The following IVD variants were observed in gnomAD, a reference collection of about 807,000 sequenced individuals.
IVD encodes isovaleryl-CoA dehydrogenase.
In IVD, 31 loss-of-function variants were observed where a neutral mutation model predicts 51.3. The observed-to-expected ratio is 0.60, with a 90% CI of 0.45 to 0.81. The LOEUF (loss-of-function observed/expected upper bound fraction) is 0.81, where lower values mean the gene tolerates loss of function less well. IVD is among the 40% of genes least tolerant of loss of function. The pLI, the probability that IVD is intolerant of heterozygous loss-of-function variation, is 0.00. For synonymous variants in IVD, 205 were observed against 219.4 expected (o/e 0.93, Z 0.58); for missense variants, 475 against 552.0 (o/e 0.86, Z 1.40).
At chr15:40,432,504 G>A (rs1893035699) in intron 7 of IVD, among the ~76,000 whole-genome samples, 1 of 152,236 alleles carries the variant, frequency 6.6e-6, no homozygotes, top group African/African-American at 2.4e-5. Flanking sequence ...CCCAGAGGGT[G>A]TCTGCTGGAA....
rs1222349471 is a variant in IVD at position 40,419,175 on chromosome 15, T to A, written c.*912T>A. On this transcript the variant is annotated 3_prime_UTR_variant, in exon 12 of 12. Transcript: ENST00000487418. ...CAAAAAAACCCTGGCCCTTGTTTCTTCCAGTTTCTAGAGGTATCAGCTCCT... is the reference window on the plus strand; with the variant it reads ...CAAAAAAACCCTGGCCCTTGTTTCTACCAGTTTCTAGAGGTATCAGCTCCT... 1.6e-6 allele frequency: 2 copies of A among 1,289,100 alleles called. No individual in the cohort carries two copies. Among genetic ancestry groups the A allele is most frequent in the Non-Finnish European group, 2.0e-6 (2 of 988,832 alleles). 79.9% of individuals were successfully genotyped at this position (1,289,100 alleles called of 1,614,324 possible).
downstream of IVD, among the ~76,000 whole-genome samples, chr15:40,423,485 A>G (rs573869314): frequency 3.3e-5 from 5 of 152,118 alleles, no homozygotes; most frequent in Admixed American, 6.5e-5. Flanking sequence ...TTTAAGACGG[A>G]ATCTTGCGCT....
At chr15:40,435,645 C>G, downstream of IVD, 2 of 1,056,664 alleles carry the variant, frequency 1.9e-6, no homozygotes, top group South Asian at 5.1e-5. Context: ...AGCTCCTTGG[C>G]AGGGTTTACA....
intron 7 of IVD, among the ~76,000 whole-genome samples, chr15:40,433,542 G>T (rs961774187): frequency 2.3e-4 from 35 of 152,182 alleles, no homozygotes; most frequent in African/African-American, 8.4e-4. Context: ...GAGTTCCTCA[G>T]GGGAGAAGTC....
downstream of IVD, among the ~76,000 whole-genome samples, chr15:40,423,599 C>T (rs563512235): frequency 6.6e-6 from 1 of 152,166 alleles, no homozygotes; most frequent in African/African-American, 2.4e-5. Context: ...GTAGCTGGGA[C>T]TACAGGTGCA....
intron 8 of IVD, 87 bp downstream of exon 8, chr15:40,415,069 C>T (rs1439204185): frequency 1.9e-5 from 29 of 1,502,616 alleles, no homozygotes; most frequent in South Asian, 3.5e-5. Context: ...CTTCCCCTTG[C>T]GGGGCCAAAG....
downstream of IVD, among the ~76,000 whole-genome samples, chr15:40,422,272 C>T (rs1264950544): frequency 2.6e-5 from 4 of 152,122 alleles, no homozygotes; most frequent in Non-Finnish European, 4.4e-5. Flanking sequence ...TCCTCTATTA[C>T]CATCATTTCA....
chr15:40,417,991 C>G, intron 11 of IVD, 139 bp from the exon 12 acceptor site: 3 of 1,197,296 alleles, frequency 2.5e-6, no homozygotes, highest in Non-Finnish European at 2.4e-6. Context: ...TCCCCACACC[C>G]CTCCCTCTTG....
Position 40,420,454 on chromosome 15 carries a change from TG to T in IVD, c.*2195del. On this transcript the variant is annotated 3_prime_UTR_variant, in exon 12 of 12. Coordinates refer to ENST00000487418, the MANE Select transcript of IVD (RefSeq NM_002225.5). Reference sequence around the variant, plus strand: ...AAATATATTGTGAAACAAACCTATCTGGGGAGAAGCAATCTACTTGCCGCTG... The same window carrying T: ...AAATATATTGTGAAACAAACCTATCTGGGAGAAGCAATCTACTTGCCGCTG... The T allele has an allele frequency of 1.0e-6, 1 of 987,668 alleles. No individual in the cohort carries two copies. The highest frequency in any genetic ancestry group is 1.2e-6 in the Non-Finnish European group (1 of 830,120). 61.2% of individuals were successfully genotyped at this position (987,668 alleles called of 1,614,324 possible).
chr15:40,435,556 C>A, exon 9 of IVD: 1 of 1,163,224 alleles, frequency 8.6e-7, no homozygotes. Flanking sequence ...TGCTGCTCCC[C>A]CAACTCGCCT....
rs544110604 is a variant in IVD, at chr15:40,416,347, G to A, written c.1123G>A (p.Gly375Ser). ...AECATQVALD[G>S]IQCFGGNGYI... Reference sequence around the variant, plus strand: ...GTGTGCCACACAGGTAGCCCTGGACGGCATTCAGTGTTTTGGTGAGTGATC... The same window carrying A: ...GTGTGCCACACAGGTAGCCCTGGACAGCATTCAGTGTTTTGGTGAGTGATC... Residue 375 changes from glycine to serine, a missense_variant, in exon 11 of 12, where the codon GGC becomes AGC. Coordinates refer to ENST00000487418, the MANE Select transcript of IVD (RefSeq NM_002225.5). 4.3e-6 allele frequency: 7 copies of A among 1,614,034 alleles called. No individual in the cohort carries two copies. The highest frequency in any genetic ancestry group is 3.3e-5 in the South Asian group (3 of 91,082).
Position 40,410,791 on chromosome 15 carries a change from C to T in IVD, c.450C>T (p.Leu150=). ...ATGAGGCCCAGAAAGAGAAGTATCT[C>T]CCGAAGGTGAGGAAATGGAAATGTA... is the stretch of plus-strand genomic sequence containing the variant. ...NGNEAQKEKY[L]PKLISGEYIG... is the part of the protein sequence containing the mutation. The change falls in exon 4 of 12, where the codon CTC becomes CTT. Residue 150 remains leucine, a synonymous_variant. Coordinates refer to ENST00000487418, the MANE Select transcript of IVD (RefSeq NM_002225.5). 6.2e-7 allele frequency: 1 copy of T among 1,614,108 alleles called. No homozygotes were observed. The highest frequency in any genetic ancestry group is 8.5e-7 in the Non-Finnish European group (1 of 1,180,020).
intron 7 of IVD, chr15:40,414,467 C>T (rs139514899): frequency 3.3e-5 from 8 of 242,066 alleles, no homozygotes; most frequent in East Asian, 1.7e-4. Context: ...GAAGCTTTCA[C>T]GGACTACTCT....
downstream of IVD, chr15:40,424,397 A>G (rs899076609): frequency 3.4e-6 from 1 of 294,570 alleles, no homozygotes; most frequent in South Asian, 2.6e-5. Context: ...CAGCCCTTCA[A>G]ACTTTCTCTT....
chr15:40,424,115 A>C (rs774637012), downstream of IVD: 1 of 1,269,154 alleles, frequency 7.9e-7, no homozygotes, highest in South Asian at 1.3e-5. Context: ...CATCCTGCCA[A>C]CTTGCCTTCC....
At position 40,420,576 on chromosome 15, in the gene IVD, A is replaced by G; in HGVS notation, c.*2313A>G. 7 of 987,580 alleles carry G rather than the reference A, an allele frequency of 7.1e-6. No homozygotes were observed. Among genetic ancestry groups the G allele is most frequent in the Non-Finnish European group, 8.4e-6 (7 of 830,096 alleles). 61.2% of individuals were successfully genotyped at this position (987,580 alleles called of 1,614,324 possible). On this transcript the variant is annotated 3_prime_UTR_variant, in exon 12 of 12. Coordinates refer to ENST00000487418, the MANE Select transcript of IVD (RefSeq NM_002225.5). Reference sequence around the variant, plus strand: ...GTTCTTTCATGAGGGACAGGAAGGTAAAATCAGCCCTTAGGAGAGAGGTCT... The same window carrying G: ...GTTCTTTCATGAGGGACAGGAAGGTGAAATCAGCCCTTAGGAGAGAGGTCT...
chr15:40,414,510 C>T, intron 7 of IVD: 1 of 305,678 alleles, frequency 3.3e-6, no homozygotes, highest in East Asian at 7.6e-5. Context: ...GAGCTGACTC[C>T]ACCTGGGGGA....
At chr15:40,407,859 TG>T in intron 2 of IVD, 79 bp from the exon 3 acceptor site, 1 of 1,499,422 alleles carries the variant, frequency 6.7e-7, no homozygotes, top group South Asian at 1.1e-5. Flanking sequence ...CTGAAGTGTT[TG>T]GGTCTCATTG....
At chr15:40,410,999 C>T (rs370077378) in intron 4 of IVD, among the ~76,000 whole-genome samples, 2 of 152,282 alleles carry the variant, frequency 1.3e-5, no homozygotes, top group East Asian at 3.9e-4. Context: ...TTGCATTGAA[C>T]AACAGACAGA....
Sources: gnomAD v4.1 joint callset for allele counts (sites outside exome capture counted in the v4.1 genomes callset) on GRCh38, gnomAD v4.1.1 for gene constraint, MANE v1.5 for transcripts, NCBI Gene and HGNC (gene_info 2026-07-23, HGNC 2026-07-21) for gene names.